Variants in RBL2 observed in about 807,000 individuals in gnomAD.
RBL2 encodes the protein RB transcriptional corepressor like 2, also known as retinoblastoma-like protein 2.
In RBL2, 56 loss-of-function variants were observed where a neutral mutation model predicts 126.0. The ratio of observed to expected loss-of-function variants is 0.44; its 90% CI spans 0.36 to 0.56. The LOEUF (loss-of-function observed/expected upper bound fraction) is 0.56. Ranked by LOEUF, RBL2 falls within the 20% of genes least tolerant of loss-of-function variation. The pLI, the probability that RBL2 is intolerant of heterozygous loss-of-function variation, is 0.00. For missense variants in RBL2, 1,229 were observed against 1,398.2 expected (o/e 0.88, Z 1.93); for synonymous variants, 454 against 478.5 (o/e 0.95, Z 0.67).
intron 12 of RBL2, 113 bp downstream of exon 12, chr16:53,464,476 ATAGT>A: frequency 7.6e-6 from 7 of 918,762 alleles, no homozygotes; most frequent in South Asian, 2.0e-5. Context: ...TTTTATTTAC[ATAGT>A]TAATCTCTAT....
intron 4 of RBL2, among the ~76,000 whole-genome samples, chr16:53,449,830 A>G (rs2058097513): frequency 6.6e-6 from 1 of 152,134 alleles, no homozygotes; most frequent in Non-Finnish European, 1.5e-5. Context: ...TCACAAAGTC[A>G]GATTTATTTG....
chr16:53,440,817 G>C (rs1466798366), intron 2 of RBL2, among the ~76,000 whole-genome samples: 1 of 152,108 alleles, frequency 6.6e-6, no homozygotes. Flanking sequence ...GACTCCCAAA[G>C]TGCTGGCATT....
Position 53,434,895 on chromosome 16 carries a change from G to C in RBL2, c.240+99G>C, listed in dbSNP as rs2057941144. On this transcript the variant is annotated intron_variant, in intron 1 of 21. Transcript: ENST00000262133. ...CTCGAGAGACTCTCGGGCGGGTTGCGGGCTCCCAGCCCCGAGAGGGGTGGG... is the reference window on the plus strand; with the variant it reads ...CTCGAGAGACTCTCGGGCGGGTTGCCGGCTCCCAGCCCCGAGAGGGGTGGG... 6 of 1,389,228 alleles carry C rather than the reference G, an allele frequency of 4.3e-6. No homozygotes were observed. The African/African-American group carries it at 7.6e-5, about 18-fold the overall frequency. 86.1% of individuals were successfully genotyped at this position (1,389,228 alleles called of 1,614,324 possible). A position where few individuals can be genotyped will look rare whatever the true frequency, so the allele number is the denominator to read the frequency against.
chr16:53,484,300 G>GATA, intron 21 of RBL2, among the ~76,000 whole-genome samples: 1 of 152,162 alleles, frequency 6.6e-6, no homozygotes, highest in Non-Finnish European at 1.5e-5. Flanking sequence ...GAATTGGAAT[G>GATA]ATAATACTCA....
At chr16:53,471,035 T>C in intron 17 of RBL2, 113 bp downstream of exon 17, 1 of 1,122,564 alleles carries the variant, frequency 8.9e-7, no homozygotes, top group Non-Finnish European at 1.3e-6. Context: ...CTATTTAAAA[T>C]GCACAACTAA....
intron 7 of RBL2, chr16:53,454,165 C>T (rs2058143202): frequency 6.9e-6 from 3 of 436,580 alleles, no homozygotes; most frequent in Non-Finnish European, 1.3e-5. Flanking sequence ...GATGGATGAG[C>T]TTGGGGATAG....
chr16:53,462,696 A>G (rs200245317), intron 11 of RBL2, 41 bp downstream of exon 11: 1 of 1,281,766 alleles, frequency 7.8e-7, no homozygotes, highest in Non-Finnish European at 1.1e-6. Flanking sequence ...GCAATGAAAC[A>G]TAATTTCCTT....
chr16:53,475,549 C>T (rs1255574955), intron 17 of RBL2, among the ~76,000 whole-genome samples: 2 of 152,028 alleles, frequency 1.3e-5, no homozygotes, highest in Non-Finnish European at 1.5e-5. Context: ...CCCTTTTGTT[C>T]TTGGTCTAGC....
chr16:53,480,060 G>A (rs1341571656), intron 19 of RBL2, 69 bp downstream of exon 19: 4 of 1,001,490 alleles, frequency 4.0e-6, no homozygotes, highest in Non-Finnish European at 6.0e-6. Context: ...CCTTGAAGAA[G>A]TAACTAAGCA....
chr16:53,464,142 G>A, intron 11 of RBL2, 84 bp from the exon 12 acceptor site: 1 of 1,134,590 alleles, frequency 8.8e-7, no homozygotes, highest in Non-Finnish European at 1.2e-6. Context: ...GACTTTCTTT[G>A]GTATTTTCAC....
At chr16:53,463,847 G>A (rs949788005) in intron 11 of RBL2, among the ~76,000 whole-genome samples, 43 of 152,054 alleles carry the variant, frequency 2.8e-4, no homozygotes, top group African/African-American at 8.9e-4. Context: ...GATTACAGGC[G>A]TGAGCCACTG....
intron 17 of RBL2, among the ~76,000 whole-genome samples, chr16:53,474,929 C>T (rs1404932981): frequency 6.6e-6 from 1 of 151,898 alleles, no homozygotes; most frequent in African/African-American, 2.4e-5. Flanking sequence ...ATATGAGCTT[C>T]TTGGTATTAA....
chr16:53,471,927 C>T (rs1225499478), intron 17 of RBL2, among the ~76,000 whole-genome samples: 1 of 152,194 alleles, frequency 6.6e-6, no homozygotes, highest in Non-Finnish European at 1.5e-5. Flanking sequence ...TCTCCCCATT[C>T]TACCTCCCAC....
intron 14 of RBL2, among the ~76,000 whole-genome samples, chr16:53,468,171 T>A (rs920729045): frequency 6.6e-6 from 1 of 152,214 alleles, no homozygotes; most frequent in Non-Finnish European, 1.5e-5. Flanking sequence ...TAAAAGAATA[T>A]TCTTATTTCT....
Position 53,454,921 on chromosome 16 carries a change from G to A in RBL2, c.1179+79G>A, listed in dbSNP as rs142204304. On this transcript the variant is annotated intron_variant, in intron 8 of 21. Coordinates refer to ENST00000262133, the MANE Select transcript of RBL2 (RefSeq NM_005611.4). Reference sequence around the variant, plus strand: ...TTCTTTTTTATTTTGGTAATTTCATGTTTGTGTTTTACTTGCCTACAGTAT... The same window carrying A: ...TTCTTTTTTATTTTGGTAATTTCATATTTGTGTTTTACTTGCCTACAGTAT... The A allele has an allele frequency of 1.6e-4, 210 of 1,291,454 alleles. 1 individual carries two copies. Among genetic ancestry groups the A allele is most frequent in the Non-Finnish European group, 2.1e-4 (200 of 971,364 alleles). 80.0% of individuals were successfully genotyped at this position (1,291,454 alleles called of 1,614,324 possible).
chr16:53,463,947 T>C (rs906089807), intron 11 of RBL2, among the ~76,000 whole-genome samples: 1 of 152,132 alleles, frequency 6.6e-6, no homozygotes, highest in African/African-American at 2.4e-5. Flanking sequence ...TAAGCATCAG[T>C]GTGTGTGTGT....
At chr16:53,455,053 G>A (rs555982658) in intron 8 of RBL2, among the ~76,000 whole-genome samples, 7 of 152,112 alleles carry the variant, frequency 4.6e-5, no homozygotes, top group Non-Finnish European at 1.0e-4. Context: ...CTGAGAAAAA[G>A]AAATTAATAT....
At chr16:53,459,284 A>G (rs1240170518) in intron 8 of RBL2, among the ~76,000 whole-genome samples, 167 bp from the exon 9 acceptor site, 1 of 152,188 alleles carries the variant, frequency 6.6e-6, no homozygotes, top group Non-Finnish European at 1.5e-5. Flanking sequence ...GTTATGTTTA[A>G]ATTCCAAGAA....
chr16:53,455,709 C>G (rs903450183), intron 8 of RBL2, among the ~76,000 whole-genome samples: 2 of 152,086 alleles, frequency 1.3e-5, no homozygotes, highest in African/African-American at 4.8e-5. Context: ...AACGGTGTCA[C>G]ACACCAGAAG....
Sources: allele counts gnomAD v4.1 joint callset (sites outside exome capture counted in the v4.1 genomes callset), GRCh38; gene constraint gnomAD v4.1.1; transcripts MANE v1.5; gene names NCBI Gene and HGNC (gene_info 2026-07-23, HGNC 2026-07-21).